The following WWP2 variants were observed in gnomAD, a reference collection of about 807,000 sequenced individuals.
WWP2 encodes the protein WW domain containing E3 ubiquitin protein ligase 2.
In WWP2, 57 loss-of-function variants were observed where a neutral mutation model predicts 121.0. The observed-to-expected ratio is 0.47, with a 90% CI of 0.38 to 0.59. The LOEUF is 0.59. Ranked by LOEUF, WWP2 falls within the 20% of genes least tolerant of loss-of-function variation. The pLI is 0.00. For missense variants in WWP2, 962 were observed against 1,158.9 expected, an observed-to-expected ratio of 0.83 and a Z score of 2.47; for synonymous variants, 449 against 441.3, an observed-to-expected ratio of 1.02 and a Z score of -0.22.
chr16:69,814,032 T>G (rs903109954), intron 4 of WWP2, among the ~76,000 whole-genome samples: 3 of 152,202 alleles, frequency 2.0e-5, no homozygotes, highest in African/African-American at 7.2e-5. Context: ...CCAGGAAATA[T>G]GTCAGACACC....
chr16:69,832,374 T>C lies in WWP2; in HGVS notation c.341-7752T>C, dbSNP rs866918335. Among the ~76,000 whole-genome samples, 4 of 152,164 alleles carry C rather than the reference T, an allele frequency of 2.6e-5. No homozygotes were observed. The Middle Eastern group carries it at 0.01, about 388-fold the overall frequency. ...TCCCGACATACTTCAACTATAAATA[T>C]TAATATTTTAGTGTATTTCTCTAAA... On this transcript the variant is annotated intron_variant, in intron 4 of 23. Transcript: ENST00000359154.
chr16:69,920,189 G>C (rs1489481246), intron 10 of WWP2, among the ~76,000 whole-genome samples: 1 of 152,182 alleles, frequency 6.6e-6, no homozygotes, highest in Non-Finnish European at 1.5e-5. Flanking sequence ...ATTGTACAGG[G>C]AGGAAACCAT....
chr16:69,842,271 G>C, intron 6 of WWP2, 151 bp downstream of exon 6: 1 of 677,146 alleles, frequency 1.5e-6, no homozygotes, highest in Non-Finnish European at 2.5e-6. Flanking sequence ...AAAGCTAATA[G>C]AGGAGTCCAG....
chr16:69,807,637 A>G (rs1305177565), intron 4 of WWP2, among the ~76,000 whole-genome samples: 2 of 150,300 alleles, frequency 1.3e-5, no homozygotes, highest in African/African-American at 2.4e-5. Flanking sequence ...AAAAAAAAAA[A>G]AAAAAAAGAA....
At chr16:69,841,561 A>T (rs985792802) in intron 5 of WWP2, among the ~76,000 whole-genome samples, 6 of 152,178 alleles carry the variant, frequency 3.9e-5, no homozygotes, top group African/African-American at 1.2e-4. Flanking sequence ...GGGATTTTGG[A>T]CCTCATCTTG....
chr16:69,872,554 G>A (rs900047483), intron 7 of WWP2, among the ~76,000 whole-genome samples: 18 of 152,166 alleles, frequency 1.2e-4, no homozygotes, highest in Admixed American at 2.6e-4. Flanking sequence ...TTCATGTTGG[G>A]GAGGATATCT....
At chr16:69,870,843 A>G (rs1489975857) in intron 6 of WWP2, among the ~76,000 whole-genome samples, 1 of 152,216 alleles carries the variant, frequency 6.6e-6, no homozygotes, top group Non-Finnish European at 1.5e-5. Context: ...CAAGCTGCAA[A>G]AAGAACTTGA....
intron 4 of WWP2, among the ~76,000 whole-genome samples, chr16:69,809,462 A>T (rs1285346861): frequency 6.6e-6 from 1 of 151,978 alleles, no homozygotes; most frequent in African/African-American, 2.4e-5. Flanking sequence ...CTAGGATGAG[A>T]CAAATGCAGA....
In WWP2 at chr16:69,906,367, C is replaced by T. The variant is rs74320813; in HGVS notation, c.915-2394C>T. The stretch of plus-strand genomic sequence containing the variant: ...GATTACAGGTGTCAGCCACCGCACC[C>T]GGCCTTACGTATCTGTTTCTGGACT... On this transcript the variant is annotated intron_variant, in intron 8 of 23. Coordinates refer to ENST00000359154, the MANE Select transcript of WWP2 (RefSeq NM_001270454.2). Among the ~76,000 whole-genome samples the T allele has an allele frequency of 5.9e-3, 903 of 152,246 alleles. 9 individuals are homozygous for T. The highest frequency in any genetic ancestry group is 0.021 in the African/African-American group (857 of 41,540).
At chr16:69,891,680 G>A (rs563972132) in intron 8 of WWP2, among the ~76,000 whole-genome samples, 1 of 152,256 alleles carries the variant, frequency 6.6e-6, no homozygotes, top group South Asian at 2.1e-4. Flanking sequence ...CATTCCCTTG[G>A]CTGCCTCTGG....
chr16:69,889,474 C>G (rs535739775), intron 8 of WWP2, among the ~76,000 whole-genome samples: 9 of 152,272 alleles, frequency 5.9e-5, no homozygotes, highest in African/African-American at 1.7e-4. Flanking sequence ...TTGAATCCCC[C>G]CACCATGTGA....
intron 8 of WWP2, among the ~76,000 whole-genome samples, chr16:69,902,156 T>C (rs1331134744): frequency 6.6e-6 from 1 of 152,158 alleles, no homozygotes; most frequent in Non-Finnish European, 1.5e-5. Flanking sequence ...CTGAAGACCT[T>C]TGGGAAACCT....
chr16:69,784,573 C>T (rs1449985162), intron 1 of WWP2, among the ~76,000 whole-genome samples: 5 of 152,122 alleles, frequency 3.3e-5, no homozygotes, highest in Non-Finnish European at 5.9e-5. Flanking sequence ...AAGAAAAAGC[C>T]AGGTTCGCCT....
At chr16:69,824,391 A>G (rs1011392151) in intron 4 of WWP2, among the ~76,000 whole-genome samples, 8 of 152,148 alleles carry the variant, frequency 5.3e-5, no homozygotes, top group African/African-American at 1.4e-4. Context: ...TAGTGCCACT[A>G]TTAGGTACAG....
Position 69,929,524 on chromosome 16 carries a change from C to T in WWP2, c.1311C>T (p.Thr437=), listed in dbSNP as rs1196780157. The T allele has an allele frequency of 2.5e-6, 4 of 1,613,952 alleles. No homozygotes were observed. The highest frequency in any genetic ancestry group is 1.3e-5 in the African/African-American group (1 of 74,922). The change falls in exon 12 of 24, where the codon ACC becomes ACT. Residue 437 remains threonine (T), a synonymous_variant. Transcript: ENST00000359154. ...TRTTQWEDPR[T]QGMIQEPALP... The stretch of plus-strand genomic sequence containing the variant: ...CGACCCAGTGGGAGGATCCCCGGAC[C>T]CAGGGGTAAGGACTTGGGCTGAGAG...
At chr16:69,867,318 T>A (rs557652476) in intron 6 of WWP2, among the ~76,000 whole-genome samples, 1 of 152,186 alleles carries the variant, frequency 6.6e-6, no homozygotes, top group Admixed American at 6.5e-5. Flanking sequence ...TGTGCTATGA[T>A]AGAAATTTGT....
intron 8 of WWP2, among the ~76,000 whole-genome samples, chr16:69,899,661 G>A (rs1466200569): frequency 2.0e-5 from 3 of 147,696 alleles, no homozygotes; most frequent in Admixed American, 6.9e-5. Flanking sequence ...CCCGGGAGGC[G>A]GAGGTTGCAG....
intron 1 of WWP2, among the ~76,000 whole-genome samples, chr16:69,780,951 C>T (rs1261909970): frequency 6.6e-6 from 1 of 152,118 alleles, no homozygotes; most frequent in Non-Finnish European, 1.5e-5. Flanking sequence ...TCACTGGAAC[C>T]CAGGAGGTCA....
At chr16:69,930,731 G>A (rs2058698569) in intron 13 of WWP2, among the ~76,000 whole-genome samples, 1 of 152,052 alleles carries the variant, frequency 6.6e-6, no homozygotes, top group South Asian at 2.1e-4. Context: ...AATTAGCTCG[G>A]TGTGGTAGCA....
Sources: allele counts gnomAD v4.1 joint callset (sites outside exome capture counted in the v4.1 genomes callset), GRCh38; gene constraint gnomAD v4.1.1; transcripts MANE v1.5; gene names NCBI Gene and HGNC (gene_info 2026-07-23, HGNC 2026-07-21).